PTPRZ1: variants seen among roughly 807,000 people sequenced by gnomAD.
The protein encoded by PTPRZ1 is receptor-type tyrosine-protein phosphatase zeta.
PTPRZ1 carries 82 observed loss-of-function variants against 214.1 expected under a neutral mutation model. That is an observed-to-expected ratio of 0.38 (90% CI 0.32 to 0.46). The LOEUF (loss-of-function observed/expected upper bound fraction) is 0.46. Among genes scored for constraint, PTPRZ1 ranks in the 20% least tolerant of loss-of-function variants. PTPRZ1 has a pLI of 1.00. For missense variants in PTPRZ1, 2,603 were observed against 2,748.7 expected (o/e 0.95, Z 1.19); for synonymous variants, 945 against 987.9 (o/e 0.96, Z 0.81).
At chr7:121,997,729 C>A in intron 9 of PTPRZ1, 151 bp from the exon 10 acceptor site, 16 of 370,762 alleles carry the variant, frequency 4.3e-5, no homozygotes, top group South Asian at 1.0e-4. Flanking sequence ...ACAAGTTTAA[C>A]TAAGCAACAT....
chr7:121,941,033 C>T (rs918416080), intron 2 of PTPRZ1, among the ~76,000 whole-genome samples: 2 of 152,200 alleles, frequency 1.3e-5, no homozygotes, highest in African/African-American at 2.4e-5. Context: ...GGCCAGAGCA[C>T]ATCCCTTGCT....
At chr7:121,888,923 T>C (rs957050756) in intron 1 of PTPRZ1, among the ~76,000 whole-genome samples, 4 of 152,250 alleles carry the variant, frequency 2.6e-5, no homozygotes, top group Non-Finnish European at 1.5e-5. Flanking sequence ...TAATGAAGAA[T>C]TGGCAAATAG....
At chr7:121,911,465 G>A (rs545492392) in intron 1 of PTPRZ1, among the ~76,000 whole-genome samples, 7 of 151,978 alleles carry the variant, frequency 4.6e-5, no homozygotes, top group South Asian at 4.1e-4. Context: ...AACTAGTTAC[G>A]TGTATATTGT....
Position 122,053,919 on chromosome 7 carries a change from C to T in PTPRZ1, c.6262C>T (p.Gln2088Ter). The T allele has an allele frequency of 6.2e-7, 1 of 1,612,742 alleles. No homozygotes were observed. The highest frequency in any genetic ancestry group is 8.5e-7 in the Non-Finnish European group (1 of 1,179,124). ...INASYIMGYYQSNEFIITQHP... is the reference protein window; with the variant it reads ...INASYIMGYY ...CTCTTTGGTTTTGTAGGGCTATTAC[C>T]AGAGCAATGAATTCATCATTACCCA... is the stretch of plus-strand genomic sequence containing the variant. The change falls in exon 26 of 30, where the codon CAG becomes TAG. Residue 2088 changes from glutamine to a stop codon, truncating the protein, a stop_gained. Coordinates refer to ENST00000393386, the MANE Select transcript of PTPRZ1 (RefSeq NM_002851.3). LOFTEE classifies it high-confidence loss of function.
chr7:121,933,153 GAA>G (rs35284916), intron 2 of PTPRZ1, among the ~76,000 whole-genome samples: 3 of 132,780 alleles, frequency 2.3e-5, no homozygotes, highest in Non-Finnish European at 1.6e-5. Context: ...ACAGTTCAGT[GAA>G]AAAAAAAAAA....
intron 1 of PTPRZ1, among the ~76,000 whole-genome samples, chr7:121,922,440 C>T (rs1314710441): frequency 2.0e-5 from 3 of 151,984 alleles, no homozygotes; most frequent in Admixed American, 1.3e-4. Flanking sequence ...GCCTGTAATC[C>T]CAGCTACTCG....
intron 4 of PTPRZ1, among the ~76,000 whole-genome samples, chr7:121,973,156 A>G (rs1026842743): frequency 7.9e-5 from 12 of 152,146 alleles, no homozygotes; most frequent in Non-Finnish European, 1.5e-4. Context: ...ATTTTAAATG[A>G]TTTACACTAA....
In PTPRZ1 at chr7:122,061,289, C is replaced by G; in HGVS notation, c.*69C>G. 7.3e-7 allele frequency: 1 copy of G among 1,367,644 alleles called. No individual in the cohort carries two copies. Among genetic ancestry groups the G allele is most frequent in the East Asian group, 2.5e-5 (1 of 40,010 alleles). 84.7% of individuals were successfully genotyped at this position (1,367,644 alleles called of 1,614,324 possible). A position where few individuals can be genotyped will look rare whatever the true frequency, so the allele number is the denominator to read the frequency against. ...TCTTCCTAAAATTAGGCAGGAAAAT[C>G]AGTCTAGTTCTGTTATCTGTTGATT... On this transcript the variant is annotated 3_prime_UTR_variant, in exon 30 of 30. Transcript: ENST00000393386.
Position 121,895,263 on chromosome 7 carries a change from T to G in PTPRZ1, c.58+21706T>G, listed in dbSNP as rs1794754094. ...GACCTGTCTCTCCTGTCTGTTCTCT[T>G]CTAGTACTGTTTCCCCTACCCTCTT... On this transcript the variant is annotated intron_variant, in intron 1 of 29. Coordinates refer to ENST00000393386, the MANE Select transcript of PTPRZ1 (RefSeq NM_002851.3). Among the ~76,000 whole-genome samples, 3 of 152,284 alleles carry G rather than the reference T, an allele frequency of 2.0e-5. No individual in the cohort carries two copies. In the South Asian group the frequency reaches 6.2e-4, roughly 32 times the overall value.
In PTPRZ1 at chr7:122,040,950, T is replaced by G; in HGVS notation, c.5772T>G (p.His1924Gln). The change falls in exon 21 of 30, where the codon CAT becomes CAG. Residue 1924 changes from histidine to glutamine, a missense_variant. Physicochemically the swap from His to Gln is conservative, Grantham distance 24. Coordinates refer to ENST00000393386, the MANE Select transcript of PTPRZ1 (RefSeq NM_002851.3). ...FVRKAAYAKR[H>Q]AVGPVVVHCS... ...GAAAGGCAGCCTATGCCAAGCGCCA[T>G]GCAGTGGGGCCTGTTGTCGTCCACT... is the stretch of plus-strand genomic sequence containing the variant. The G allele has an allele frequency of 6.3e-7, 1 of 1,586,690 alleles. No individual in the cohort carries two copies. The highest frequency in any genetic ancestry group is 8.6e-7 in the Non-Finnish European group (1 of 1,160,106).
At chr7:121,921,263 A>G (rs1309256615) in intron 1 of PTPRZ1, among the ~76,000 whole-genome samples, 1 of 152,162 alleles carries the variant, frequency 6.6e-6, no homozygotes, top group African/African-American at 2.4e-5. Context: ...TTGAGCTTTC[A>G]TTGAAAAGTT....
At chr7:122,054,173 C>T (rs544447730) in intron 26 of PTPRZ1, 135 bp downstream of exon 26, 5 of 944,468 alleles carry the variant, frequency 5.3e-6, no homozygotes, top group Non-Finnish European at 7.7e-6. Context: ...AAGGCATACT[C>T]TTCTGCTGTT....
At chr7:122,057,598 T>G (rs965716964) in intron 27 of PTPRZ1, among the ~76,000 whole-genome samples, 3 of 151,412 alleles carry the variant, frequency 2.0e-5, no homozygotes, top group Non-Finnish European at 3.0e-5. Context: ...ATATTGCAAA[T>G]ACTTTCTCCC....
chr7:122,061,377 A>G lies in PTPRZ1; in HGVS notation c.*157A>G. ...CTGCCGCCAAATTTATATCATTAAC[A>G]ATGTGTGCCTTTTTGCAAGACTTGT... On this transcript the variant is annotated 3_prime_UTR_variant, in exon 30 of 30. Coordinates refer to ENST00000393386, the MANE Select transcript of PTPRZ1 (RefSeq NM_002851.3). The G allele has an allele frequency of 1.9e-6, 1 of 540,042 alleles. No homozygotes were observed. Among genetic ancestry groups the G allele is most frequent in the Non-Finnish European group, 2.8e-6 (1 of 350,922 alleles). The allele number at this position is 540,042 out of a possible 1,614,324, so 33.5% of individuals were successfully genotyped here. A position where few individuals can be genotyped will look rare whatever the true frequency, so the allele number is the denominator to read the frequency against.
intron 2 of PTPRZ1, among the ~76,000 whole-genome samples, chr7:121,929,431 T>C (rs1344348134): frequency 2.0e-5 from 3 of 151,868 alleles, no homozygotes; most frequent in Non-Finnish European, 4.4e-5. Context: ...GACAGATGAA[T>C]TGACAGATAG....
chr7:121,937,085 A>G (rs1490206348), intron 2 of PTPRZ1, among the ~76,000 whole-genome samples: 1 of 152,234 alleles, frequency 6.6e-6, no homozygotes, highest in Admixed American at 6.5e-5. Flanking sequence ...ATAGACTGTT[A>G]TAGAGCTTCT....
intron 26 of PTPRZ1, among the ~76,000 whole-genome samples, chr7:122,054,480 A>G (rs764017485): frequency 1.5e-4 from 23 of 152,272 alleles, no homozygotes; most frequent in Non-Finnish European, 2.6e-4. Flanking sequence ...AGTATAAGAA[A>G]AGCAGCGATA....
chr7:121,942,134 T>C (rs1302024534), intron 2 of PTPRZ1, among the ~76,000 whole-genome samples: 1 of 152,212 alleles, frequency 6.6e-6, no homozygotes, highest in East Asian at 1.9e-4. Flanking sequence ...GTATAGTTTT[T>C]AAAAAGTCAG....
intron 2 of PTPRZ1, among the ~76,000 whole-genome samples, chr7:121,945,654 A>G (rs1796348887): frequency 6.6e-6 from 1 of 152,136 alleles, no homozygotes; most frequent in Non-Finnish European, 1.5e-5. Context: ...AGCTCATCCC[A>G]GTTCTCACAG....
Sources: gnomAD v4.1 joint callset for allele counts (sites outside exome capture counted in the v4.1 genomes callset) on GRCh38, gnomAD v4.1.1 for gene constraint, MANE v1.5 for transcripts, NCBI Gene and HGNC (gene_info 2026-07-23, HGNC 2026-07-21) for gene names.